ADCY3: variants seen among roughly 807,000 people sequenced by gnomAD.
The protein encoded by ADCY3 is adenylate cyclase 3, also known as adenylate cyclase type 3.
In ADCY3, 70 loss-of-function variants were observed where a neutral mutation model predicts 119.4. The observed-to-expected ratio is 0.59, with a 90% confidence interval of 0.48 to 0.72. ADCY3 has a LOEUF of 0.72. Ranked by LOEUF, ADCY3 falls within the 30% of genes least tolerant of loss-of-function variation. The probability of loss-of-function intolerance (pLI) is 0.00; values close to 1 mark genes in which losing one functional copy is unlikely to be tolerated. For missense variants in ADCY3, 1,238 were observed against 1,541.6 expected (o/e 0.80, Z 3.30); for synonymous variants, 672 against 621.4 (o/e 1.08, Z -1.21).
At chr2:24,832,226 G>A (rs1268777777) in intron 11 of ADCY3, 1 of 162,782 alleles carries the variant, frequency 6.1e-6, no homozygotes, top group African/African-American at 2.4e-5. Flanking sequence ...GCCGGCCTGG[G>A]AGCGGGCCAC....
At chr2:24,876,501 A>G (rs1411910813) in intron 2 of ADCY3, among the ~76,000 whole-genome samples, 2 of 152,190 alleles carry the variant, frequency 1.3e-5, no homozygotes, top group Non-Finnish European at 2.9e-5. Flanking sequence ...TTCCTGTTTC[A>G]TATTCATAAA....
At chr2:24,821,096 A>G (rs1667619757) in intron 20 of ADCY3, 4 of 515,298 alleles carry the variant, frequency 7.8e-6, no homozygotes, top group Admixed American at 3.6e-5. Flanking sequence ...GCCAGCTTCT[A>G]ACACAGCTGG....
chr2:24,888,955 G>A (rs1268535658), intron 2 of ADCY3, among the ~76,000 whole-genome samples: 1 of 152,220 alleles, frequency 6.6e-6, no homozygotes, highest in Non-Finnish European at 1.5e-5. Context: ...GTTGCAGTGA[G>A]CTGAGGTCAC....
At position 24,838,911 on chromosome 2, in the gene ADCY3, C is replaced by T. The variant is rs372743845; in HGVS notation, c.1356-289G>A. Reference sequence around the variant, plus strand: ...TACAATCTTTCTTCAATCTTTGATCCGCTGTAAAGCAGATCAAATGCGATA... The same window carrying T: ...TACAATCTTTCTTCAATCTTTGATCTGCTGTAAAGCAGATCAAATGCGATA... On this transcript the variant is annotated intron_variant, in intron 7 of 21. Transcript: ENST00000679454. The T allele has an allele frequency of 9.5e-5, 149 of 1,561,446 alleles. 1 individual carries two copies. Among genetic ancestry groups the T allele is most frequent in the Middle Eastern group, 3.4e-4 (2 of 5,820 alleles).
intron 3 of ADCY3, among the ~76,000 whole-genome samples, chr2:24,870,155 T>TA (rs1323933197): frequency 6.6e-4 from 77 of 117,262 alleles, no homozygotes; most frequent in Admixed American, 1.3e-3. Flanking sequence ...CCACTAAAAA[T>TA]ATAAAAAAAA....
chr2:24,907,064 G>A (rs1459629888), intron 2 of ADCY3, among the ~76,000 whole-genome samples: 1 of 152,126 alleles, frequency 6.6e-6, no homozygotes, highest in Non-Finnish European at 1.5e-5. Context: ...CCAGGAGGCG[G>A]AGGTTACAGT....
chr2:24,916,441 TG>T (rs1169810759), intron 2 of ADCY3, among the ~76,000 whole-genome samples: 1 of 152,210 alleles, frequency 6.6e-6, no homozygotes, highest in Non-Finnish European at 1.5e-5. Flanking sequence ...CCCAGCACTT[TG>T]GGAGGCCGAG....
intron 3 of ADCY3, among the ~76,000 whole-genome samples, chr2:24,870,886 A>G (rs77966954): frequency 0.026 from 3,975 of 152,344 alleles, 75 homozygotes; most frequent in Non-Finnish European, 0.038. Flanking sequence ...TCCACTTTGC[A>G]GATGAGGAAA....
chr2:24,914,157 A>G (rs914402367), intron 2 of ADCY3, among the ~76,000 whole-genome samples: 1 of 152,134 alleles, frequency 6.6e-6, no homozygotes, highest in Non-Finnish European at 1.5e-5. Context: ...AAATGGGCAA[A>G]CACTGCCAGC....
intron 19 of ADCY3, 160 bp downstream of exon 19, chr2:24,822,351 T>C (rs903761674): frequency 6.6e-5 from 71 of 1,070,234 alleles, no homozygotes; most frequent in Admixed American, 1.9e-4. Context: ...CCGAACTTTC[T>C]CAATAAACCC....
intron 6 of ADCY3, chr2:24,840,475 G>A: frequency 2.4e-6 from 1 of 425,428 alleles, no homozygotes; most frequent in South Asian, 1.7e-5. Context: ...CACCCCTGGG[G>A]TAAAGGCCAC....
chr2:24,819,988 T>C lies in ADCY3; in HGVS notation c.3379A>G (p.Thr1127Ala). The C allele has an allele frequency of 1.2e-6, 2 of 1,613,116 alleles. No individual in the cohort carries two copies. The highest frequency in any genetic ancestry group is 1.7e-6 in the Non-Finnish European group (2 of 1,179,594). The change falls in exon 22 of 22, where the codon ACC (threonine) becomes GCC (alanine). Residue 1127 changes from threonine (T) to alanine (A), a missense_variant. Thr to Ala is a moderately conservative substitution (Grantham distance 58). This residue lies in a region of ADCY3 where 86 missense variants were observed against 70.7 expected (regional missense o/e 1.22). Transcript: ENST00000679454. Reference protein sequence around the residue: ...FFLKGRDKLATFPNGPSVTLP... With the variant: ...FFLKGRDKLAAFPNGPSVTLP... ...GTGACAGAGGGGCCATTGGGGAAGG[T>C]GGCTAGCTTATCCCGCCCCTTCAAG... is the stretch of plus-strand genomic sequence containing the variant.
chr2:24,916,920 C>T (rs909148527), intron 2 of ADCY3, among the ~76,000 whole-genome samples: 4 of 152,224 alleles, frequency 2.6e-5, no homozygotes. Flanking sequence ...GGGGTCAATG[C>T]CTGGGCTCCC....
At chr2:24,861,777 T>G (rs1673688557) in intron 3 of ADCY3, among the ~76,000 whole-genome samples, 1 of 152,102 alleles carries the variant, frequency 6.6e-6, no homozygotes, top group Non-Finnish European at 1.5e-5. Context: ...AGGGGAAGGA[T>G]GCACAGGCCC....
chr2:24,848,452 C>T (rs113246878), intron 3 of ADCY3, among the ~76,000 whole-genome samples: 2,803 of 152,294 alleles, frequency 0.018, 79 homozygotes, highest in African/African-American at 0.064. Flanking sequence ...TCGGGGCTCT[C>T]AGCTCTGAAG....
intron 3 of ADCY3, among the ~76,000 whole-genome samples, chr2:24,867,672 T>C (rs950030534): frequency 1.3e-5 from 2 of 152,172 alleles, no homozygotes; most frequent in African/African-American, 4.8e-5. Context: ...GGAGAGAATT[T>C]GGTACCAAGA....
chr2:24,825,976 C>T (rs1011683291), intron 16 of ADCY3, 69 bp downstream of exon 16: 10 of 1,484,864 alleles, frequency 6.7e-6, no homozygotes, highest in Non-Finnish European at 9.4e-6. Context: ...CTCTTAGGTC[C>T]CAGGGCTGCT....
intron 2 of ADCY3, among the ~76,000 whole-genome samples, chr2:24,897,490 T>G (rs1678417884): frequency 6.6e-6 from 1 of 152,114 alleles, no homozygotes; most frequent in Admixed American, 6.5e-5. Context: ...AGAAAGCACC[T>G]CAGTCTCTCT....
At chr2:24,829,399 T>C (rs1165957355) in intron 13 of ADCY3, among the ~76,000 whole-genome samples, 1 of 150,642 alleles carries the variant, frequency 6.6e-6, no homozygotes, top group Non-Finnish European at 1.5e-5. Context: ...GTTGGTTGTA[T>C]TTGTGTGCTC....
Sources: allele counts gnomAD v4.1 joint callset (sites outside exome capture counted in the v4.1 genomes callset), GRCh38; gene constraint gnomAD v4.1.1; regional missense constraint gnomAD v4.1.1; transcripts MANE v1.5; gene names NCBI Gene and HGNC (gene_info 2026-07-23, HGNC 2026-07-21).